The following OPCML variants were observed in gnomAD, a reference collection of about 807,000 sequenced individuals.
OPCML encodes opioid binding protein/cell adhesion molecule like.
A neutral mutation model predicts 37.8 loss-of-function variants in OPCML; 13 were observed. The ratio of observed to expected loss-of-function variants is 0.34; its 90% confidence interval spans 0.22 to 0.55. OPCML has a LOEUF of 0.55. Among genes scored for constraint, OPCML ranks in the 20% least tolerant of loss-of-function variants. The pLI is 0.91. For synonymous variants in OPCML, 176 were observed against 168.8 expected (o/e 1.04, Z -0.33); for missense variants, 341 against 435.6 (o/e 0.78, Z 1.93).
chr11:133,530,095 G>A (rs1284922434), intron 1 of OPCML, among the ~76,000 whole-genome samples: 4 of 152,206 alleles, frequency 2.6e-5, no homozygotes, highest in African/African-American at 9.7e-5. Context: ...TGGGGGCAGG[G>A]GGGTGGGGGG....
At chr11:133,275,656 G>C (rs1330588037) in intron 1 of OPCML, among the ~76,000 whole-genome samples, 1 of 152,160 alleles carries the variant, frequency 6.6e-6, no homozygotes, top group East Asian at 1.9e-4. Context: ...ATATGCCACA[G>C]TTGAAAATAT....
At chr11:133,430,430 T>C (rs1216645564) in intron 1 of OPCML, among the ~76,000 whole-genome samples, 2 of 152,200 alleles carry the variant, frequency 1.3e-5, no homozygotes, top group African/African-American at 4.8e-5. Context: ...ATATTCCAGA[T>C]GGCCTAAAGA....
At chr11:132,597,887 T>A (rs2096494916) in intron 3 of OPCML, among the ~76,000 whole-genome samples, 1 of 152,262 alleles carries the variant, frequency 6.6e-6, no homozygotes, top group South Asian at 2.1e-4. Flanking sequence ...TAATGTGGCA[T>A]AGCTTCCTTC....
intron 2 of OPCML, among the ~76,000 whole-genome samples, chr11:132,794,005 C>T (rs980170336): frequency 6.6e-6 from 1 of 152,230 alleles, no homozygotes; most frequent in African/African-American, 2.4e-5. Context: ...GCTCAGGCAC[C>T]AGTTTCCACT....
chr11:133,484,223 T>C (rs1377348476), intron 1 of OPCML, among the ~76,000 whole-genome samples: 4 of 152,150 alleles, frequency 2.6e-5, no homozygotes, highest in Admixed American at 6.5e-5. Context: ...ACATTAAATG[T>C]GTTTGAATTA....
chr11:133,162,563 C>T (rs374057931), intron 1 of OPCML, among the ~76,000 whole-genome samples: 1 of 151,252 alleles, frequency 6.6e-6, no homozygotes, highest in South Asian at 2.1e-4. Context: ...CTGCCGCTGC[C>T]GGCTTGTTTA....
At chr11:133,286,333 G>A (rs1221344975) in intron 1 of OPCML, among the ~76,000 whole-genome samples, 5 of 151,878 alleles carry the variant, frequency 3.3e-5, no homozygotes, top group Non-Finnish European at 7.4e-5. Context: ...AGCCGGGCGT[G>A]GTGGCGGGCG....
chr11:133,112,071 G>A (rs1440065851), intron 1 of OPCML, among the ~76,000 whole-genome samples: 1 of 152,026 alleles, frequency 6.6e-6, no homozygotes, highest in Non-Finnish European at 1.5e-5. Context: ...TGCCAGGATT[G>A]CATGCAATAT....
intron 1 of OPCML, among the ~76,000 whole-genome samples, chr11:132,960,362 T>G (rs1332929899): frequency 6.6e-6 from 1 of 152,198 alleles, no homozygotes; most frequent in Admixed American, 6.5e-5. Flanking sequence ...AATCCCGTTC[T>G]GAACAAACTG....
chr11:132,550,736 C>T (rs757397617), intron 3 of OPCML, among the ~76,000 whole-genome samples: 3 of 152,224 alleles, frequency 2.0e-5, no homozygotes, highest in Non-Finnish European at 4.4e-5. Context: ...TTTTCACCCA[C>T]TACTGCCAGA....
chr11:132,642,862 T>C (rs975411731), intron 3 of OPCML, among the ~76,000 whole-genome samples: 1 of 152,208 alleles, frequency 6.6e-6, no homozygotes, highest in African/African-American at 2.4e-5. Flanking sequence ...AGCTCAGTAA[T>C]TGAGACTCTT....
intron 1 of OPCML, among the ~76,000 whole-genome samples, chr11:133,391,319 C>A (rs759943981): frequency 1.3e-5 from 2 of 152,160 alleles, no homozygotes; most frequent in Non-Finnish European, 2.9e-5. Flanking sequence ...CCGCCTGTCC[C>A]TTTGGGGACT....
At chr11:132,485,465 A>G (rs548035238) in intron 4 of OPCML, among the ~76,000 whole-genome samples, 1 of 152,312 alleles carries the variant, frequency 6.6e-6, no homozygotes, top group East Asian at 1.9e-4. Context: ...ACACTCAAGT[A>G]GCTACCTCCC....
At chr11:132,565,763 T>TG (rs1162477077) in intron 3 of OPCML, among the ~76,000 whole-genome samples, 6 of 152,240 alleles carry the variant, frequency 3.9e-5, no homozygotes, top group Non-Finnish European at 8.8e-5. Context: ...CTGGGCACGG[T>TG]GGCTCAAGCC....
chr11:133,474,602 G>A (rs900220807), intron 1 of OPCML, among the ~76,000 whole-genome samples: 2 of 152,198 alleles, frequency 1.3e-5, no homozygotes, highest in Non-Finnish European at 2.9e-5. Flanking sequence ...GCCCTGCTGC[G>A]GCTGGGGGTA....
chr11:132,758,039 C>T (rs1323797820), intron 2 of OPCML, among the ~76,000 whole-genome samples: 1 of 152,108 alleles, frequency 6.6e-6, no homozygotes, highest in Non-Finnish European at 1.5e-5. Context: ...TTCCCAACAC[C>T]ATTTATTAAA....
intron 2 of OPCML, among the ~76,000 whole-genome samples, chr11:132,903,197 T>C (rs1467246336): frequency 6.6e-6 from 1 of 152,182 alleles, no homozygotes; most frequent in Non-Finnish European, 1.5e-5. Flanking sequence ...AATCTGTCTA[T>C]AATCAGTCAT....
chr11:132,609,389 C>A (rs1210925189), intron 3 of OPCML, among the ~76,000 whole-genome samples: 3 of 152,184 alleles, frequency 2.0e-5, no homozygotes, highest in Admixed American at 1.3e-4. Context: ...TTCCACCAGG[C>A]CTCACTGCCT....
chr11:132,551,045 C>T lies in OPCML; in HGVS notation c.380-21859G>A, dbSNP rs143054748. Among the ~76,000 whole-genome samples, 304 of 152,298 alleles carry T rather than the reference C, an allele frequency of 2.0e-3. 1 individual carries two copies. Among genetic ancestry groups the T allele is most frequent in the Middle Eastern group, 3.4e-3 (1 of 294 alleles). ...TTTCCATGTTTATTTCCTGGATGCG[C>T]CTTACCCTGAGGCTTCCAGAGAGAT... On this transcript the variant is annotated intron_variant, in intron 3 of 7. Coordinates refer to ENST00000524381, the MANE Select transcript of OPCML (RefSeq NM_001012393.5).
Sources: gnomAD v4.1 joint callset for allele counts (sites outside exome capture counted in the v4.1 genomes callset) on GRCh38, gnomAD v4.1.1 for gene constraint, MANE v1.5 for transcripts, NCBI Gene and HGNC (gene_info 2026-07-23, HGNC 2026-07-21) for gene names.